TMEM268: variants seen among roughly 807,000 people sequenced by gnomAD.
The protein encoded by TMEM268 is transmembrane protein C9orf91.
A neutral mutation model predicts 39.1 loss-of-function variants in TMEM268; 24 were observed. The ratio of observed to expected loss-of-function variants is 0.61; its 90% CI spans 0.44 to 0.86. TMEM268 has a LOEUF of 0.86. Among genes scored for constraint, TMEM268 ranks in the 40% least tolerant of loss-of-function variants. TMEM268 has a pLI of 0.00. For synonymous variants in TMEM268, 176 were observed against 173.5 expected (o/e 1.01, Z -0.12); for missense variants, 409 against 428.6 (o/e 0.95, Z 0.40).
At chr9:114,614,892 C>CTTTTTT (rs57020988) in intron 1 of TMEM268, among the ~76,000 whole-genome samples, 5 of 129,208 alleles carry the variant, frequency 3.9e-5, no homozygotes, top group African/African-American at 1.5e-4. Context: ...GTGTCACTGC[C>CTTTTTT]TTTTTTTTTT....
upstream of TMEM268, among the ~76,000 whole-genome samples, chr9:114,609,981 G>A (rs955223990): frequency 3.9e-4 from 59 of 152,072 alleles, 2 homozygotes; most frequent in Non-Finnish European, 1.5e-4. Context: ...TAAGAAAGAA[G>A]GGTTAAGAAA....
chr9:114,633,638 T>G, intron 5 of TMEM268, 130 bp from the exon 6 acceptor site: 1 of 476,688 alleles, frequency 2.1e-6, no homozygotes. Context: ...GGGGAGGAAA[T>G]GGGACAGTCC....
chr9:114,608,521 G>T (rs1269926097), upstream of TMEM268, among the ~76,000 whole-genome samples: 2 of 152,194 alleles, frequency 1.3e-5, no homozygotes, highest in Admixed American at 1.3e-4. Context: ...AGAAAGGGCA[G>T]GGGGACCACA....
chr9:114,617,398 G>A, intron 2 of TMEM268, 97 bp downstream of exon 2: 1 of 913,734 alleles, frequency 1.1e-6, no homozygotes, highest in Non-Finnish European at 1.8e-6. Context: ...TCAGGGGGAG[G>A]TGTCTTTGAG....
chr9:114,628,276 C>A, intron 5 of TMEM268, 26 bp downstream of exon 5: 1 of 1,609,016 alleles, frequency 6.2e-7, no homozygotes, highest in Non-Finnish European at 8.5e-7. Context: ...ATCCCTGCCA[C>A]ACTCTCTCCA....
intron 7 of TMEM268, among the ~76,000 whole-genome samples, chr9:114,637,788 T>C (rs776435885): frequency 1.6e-4 from 24 of 152,152 alleles, no homozygotes; most frequent in Non-Finnish European, 3.5e-4. Flanking sequence ...TGGAGCTGGC[T>C]GGTGATGCCC....
chr9:114,630,223 C>T (rs1267062659), intron 5 of TMEM268, among the ~76,000 whole-genome samples: 1 of 152,170 alleles, frequency 6.6e-6, no homozygotes, highest in Non-Finnish European at 1.5e-5. Context: ...AACAGCAGAG[C>T]TGGGCTCTGG....
chr9:114,613,015 A>G (rs1016341884), intron 1 of TMEM268, among the ~76,000 whole-genome samples: 20 of 152,178 alleles, frequency 1.3e-4, no homozygotes, highest in African/African-American at 4.6e-4. Context: ...AGTGATTTAC[A>G]TGTGTGAACT....
intron 4 of TMEM268, 149 bp from the exon 5 acceptor site, chr9:114,627,952 C>T (rs1372931910): frequency 2.5e-6 from 2 of 787,594 alleles, no homozygotes; most frequent in Non-Finnish European, 4.1e-6. Context: ...CTCACAGATC[C>T]AGGTGACTGC....
In TMEM268 at chr9:114,627,955, G is replaced by C. The variant is rs369911150; in HGVS notation, c.325-146G>C. 5.2e-5 allele frequency: 42 copies of C among 801,216 alleles called. No individual in the cohort carries two copies. The South Asian group carries it at 7.2e-4, about 14-fold the overall frequency. The allele number at this position is 801,216 out of a possible 1,614,324, so 49.6% of individuals were successfully genotyped here. A position where few individuals can be genotyped will look rare whatever the true frequency, so the allele number is the denominator to read the frequency against. On this transcript the variant is annotated intron_variant, in intron 4 of 8. Coordinates refer to ENST00000288502, the MANE Select transcript of TMEM268 (RefSeq NM_153045.4). Reference sequence around the variant, plus strand: ...CATTAGCTCATTCTCACAGATCCAGGTGACTGCATCAATCTCTTACTGGTG... The same window carrying C: ...CATTAGCTCATTCTCACAGATCCAGCTGACTGCATCAATCTCTTACTGGTG...
intron 6 of TMEM268, 55 bp from the exon 7 acceptor site, chr9:114,636,935 G>C (rs1025081488): frequency 1.7e-6 from 2 of 1,163,348 alleles, no homozygotes; most frequent in African/African-American, 3.0e-5. Context: ...GGGAGGAAGA[G>C]TTCAGGGTTG....
chr9:114,635,764 C>T (rs967767912), intron 6 of TMEM268, among the ~76,000 whole-genome samples: 7 of 152,132 alleles, frequency 4.6e-5, no homozygotes, highest in Admixed American at 2.6e-4. Context: ...GATACACTAT[C>T]TGGCATGTCC....
In TMEM268 at chr9:114,645,435, C is replaced by T. The variant is rs1162838899; in HGVS notation, c.*2122C>T. 6.6e-6 allele frequency: 1 copy of T among 152,340 alleles called. No homozygotes were observed. Among genetic ancestry groups the T allele is most frequent in the African/African-American group, 2.4e-5 (1 of 41,458 alleles). 9.4% of individuals were successfully genotyped at this position (152,340 alleles called of 1,614,324 possible). A position where few individuals can be genotyped will look rare whatever the true frequency, so the allele number is the denominator to read the frequency against. On this transcript the variant is annotated 3_prime_UTR_variant, in exon 9 of 9. Coordinates refer to ENST00000288502, the MANE Select transcript of TMEM268 (RefSeq NM_153045.4). ...TTGCCATTCAAGAGATGAGTCTGAC[C>T]ATTCACTTTCTGTGTGCCAGAGAAG...
intron 2 of TMEM268, among the ~76,000 whole-genome samples, chr9:114,619,291 G>A (rs541684813): frequency 1.9e-5 from 2 of 102,584 alleles, no homozygotes; most frequent in African/African-American, 4.2e-5. Flanking sequence ...GCGTGCACGC[G>A]TGCACACACA....
intron 3 of TMEM268, among the ~76,000 whole-genome samples, 175 bp from the exon 4 acceptor site, chr9:114,626,724 G>A (rs1195625086): frequency 6.6e-6 from 1 of 152,110 alleles, no homozygotes; most frequent in Non-Finnish European, 1.5e-5. Context: ...CATGATGCCT[G>A]TTCTTCCCTG....
At chr9:114,636,679 T>G (rs1846652708) in intron 6 of TMEM268, among the ~76,000 whole-genome samples, 1 of 152,028 alleles carries the variant, frequency 6.6e-6, no homozygotes, top group Admixed American at 6.6e-5. Flanking sequence ...TTTTTGTATT[T>G]TTTGTAGAGA....
intron 6 of TMEM268, among the ~76,000 whole-genome samples, chr9:114,634,997 C>G (rs968796509): frequency 6.6e-6 from 1 of 152,110 alleles, no homozygotes; most frequent in Non-Finnish European, 1.5e-5. Flanking sequence ...TATCCGTTGG[C>G]ACGTAGGAGT....
chr9:114,633,999 C>T, intron 6 of TMEM268, 121 bp downstream of exon 6: 2 of 510,588 alleles, frequency 3.9e-6, no homozygotes, highest in Admixed American at 7.9e-5. Flanking sequence ...AATGAGATGG[C>T]TGTTGGCAGC....
chr9:114,631,902 A>G (rs1409583015), intron 5 of TMEM268, among the ~76,000 whole-genome samples: 2 of 151,890 alleles, frequency 1.3e-5, no homozygotes, highest in Non-Finnish European at 1.5e-5. Flanking sequence ...GGAGTTTGAG[A>G]CCAGCCTGGG....
Sources: allele counts gnomAD v4.1 joint callset (sites outside exome capture counted in the v4.1 genomes callset), GRCh38; gene constraint gnomAD v4.1.1; transcripts MANE v1.5; gene names NCBI Gene and HGNC (gene_info 2026-07-23, HGNC 2026-07-21).